SLC24A2: variants seen among roughly 807,000 people sequenced by gnomAD.
SLC24A2 encodes sodium/potassium/calcium exchanger 2.
Under a neutral mutation model 62.0 loss-of-function variants are expected in SLC24A2, and 36 were observed. The observed-to-expected ratio is 0.58, with a 90% CI of 0.44 to 0.77. The LOEUF (loss-of-function observed/expected upper bound fraction) is 0.77. SLC24A2 is among the 30% of genes least tolerant of loss of function. The pLI, the probability that SLC24A2 is intolerant of heterozygous loss-of-function variation, is 0.00. For synonymous variants in SLC24A2, 358 were observed against 294.0 expected (o/e 1.22, Z -2.23); for missense variants, 846 against 817.9 (o/e 1.03, Z -0.42).
At chr9:20,095,468 G>A in the SLC24A2 span, among the ~76,000 whole-genome samples, 1 of 152,154 alleles carries the variant, frequency 6.6e-6, no homozygotes, top group Non-Finnish European at 1.5e-5. Context: ...TTGTGGATGG[G>A]CCTCATCCTA....
At chr9:20,307,378 A>G in the SLC24A2 span, among the ~76,000 whole-genome samples, 1 of 152,210 alleles carries the variant, frequency 6.6e-6, no homozygotes, top group South Asian at 2.1e-4. Context: ...TCACTCTGTG[A>G]TTAGTATTCC....
At chr9:19,534,442 T>A (rs936171296) in intron 8 of SLC24A2, among the ~76,000 whole-genome samples, 1 of 152,136 alleles carries the variant, frequency 6.6e-6, no homozygotes, top group Non-Finnish European at 1.5e-5. Context: ...TGTGCCATGG[T>A]GGTTTGCTGC....
the SLC24A2 span, among the ~76,000 whole-genome samples, chr9:20,147,337 A>G: frequency 2.0e-5 from 3 of 152,156 alleles, no homozygotes; most frequent in Admixed American, 1.3e-4. Flanking sequence ...AAAAAAGGTA[A>G]AAATTTCACA....
the SLC24A2 span, among the ~76,000 whole-genome samples, chr9:20,114,231 A>C: frequency 6.6e-6 from 1 of 152,132 alleles, no homozygotes; most frequent in South Asian, 2.1e-4. Flanking sequence ...GAGGTCAAGG[A>C]AAGAACCACC....
the SLC24A2 span, among the ~76,000 whole-genome samples, chr9:20,093,018 T>A: frequency 2.0e-5 from 3 of 152,128 alleles, no homozygotes; most frequent in African/African-American, 7.2e-5. Flanking sequence ...CTTATGTGAA[T>A]TGTATTTATA....
rs573650244 is a variant in SLC24A2 at position 19,605,100 on chromosome 9, C to T, written c.1079-7821G>A. ...ATATCTTTCCCAAATAGTTATGCAT[C>T]TTAGATTAAATAGCAAATGCCTGCC... On this transcript the variant is annotated intron_variant, in intron 4 of 10. Transcript: ENST00000341998. Among the ~76,000 whole-genome samples, 8 of 152,272 alleles carry T rather than the reference C, an allele frequency of 5.3e-5. 1 individual carries two copies. In the South Asian group the frequency reaches 1.7e-3, roughly 32 times the overall value.
At chr9:20,069,351 T>C in the SLC24A2 span, among the ~76,000 whole-genome samples, 67,701 of 152,078 alleles carry the variant, frequency 0.45, 15,747 homozygotes, top group East Asian at 0.7. Flanking sequence ...AATTGGTCTT[T>C]CAGTAATCTT....
the SLC24A2 span, among the ~76,000 whole-genome samples, chr9:20,088,759 C>A: frequency 6.6e-6 from 1 of 152,152 alleles, no homozygotes; most frequent in Non-Finnish European, 1.5e-5. Flanking sequence ...CCTCGTTGGG[C>A]AGGACCTCTG....
chr9:20,073,765 G>A, the SLC24A2 span, among the ~76,000 whole-genome samples: 1 of 151,554 alleles, frequency 6.6e-6, no homozygotes, highest in African/African-American at 2.4e-5. Context: ...AAAATCTAAT[G>A]GAGAAAATTA....
the SLC24A2 span, among the ~76,000 whole-genome samples, chr9:20,250,265 A>T: frequency 6.6e-6 from 1 of 152,198 alleles, no homozygotes; most frequent in African/African-American, 2.4e-5. Context: ...CAGAATTAGA[A>T]CTCAGATGGC....
chr9:19,669,916 C>G (rs1295181526), intron 2 of SLC24A2, among the ~76,000 whole-genome samples: 1 of 152,222 alleles, frequency 6.6e-6, no homozygotes, highest in Non-Finnish European at 1.5e-5. Flanking sequence ...TCGGGGCCAT[C>G]ATTCTGTCTA....
Position 19,604,036 on chromosome 9 carries a change from C to T in SLC24A2, c.1079-6757G>A, listed in dbSNP as rs964530870. On this transcript the variant is annotated intron_variant, in intron 4 of 10. Coordinates refer to ENST00000341998, the MANE Select transcript of SLC24A2 (RefSeq NM_020344.4). Reference sequence around the variant, plus strand: ...CCCTTTAAGGCAAAGAGTCATTGTACGCATTTTGTTAATTTCAGCACCCAG... The same window carrying T: ...CCCTTTAAGGCAAAGAGTCATTGTATGCATTTTGTTAATTTCAGCACCCAG... 5.9e-5 allele frequency among the ~76,000 whole-genome samples: 9 copies of T among 152,166 alleles called. 1 individual carries two copies. The highest frequency in any genetic ancestry group is 2.1e-4 in the South Asian group (1 of 4,830).
chr9:20,283,613 GAA>G, the SLC24A2 span, among the ~76,000 whole-genome samples: 7 of 151,990 alleles, frequency 4.6e-5, no homozygotes, highest in Non-Finnish European at 1.0e-4. Flanking sequence ...GCATAAAGCA[GAA>G]AAAGAGACTG....
chr9:20,052,776 C>A, the SLC24A2 span, among the ~76,000 whole-genome samples: 1 of 152,274 alleles, frequency 6.6e-6, no homozygotes, highest in African/African-American at 2.4e-5. Context: ...GACTCTTATT[C>A]AGATATTTGT....
At chr9:20,158,805 A>G in the SLC24A2 span, among the ~76,000 whole-genome samples, 1 of 151,620 alleles carries the variant, frequency 6.6e-6, no homozygotes, top group Admixed American at 6.6e-5. Context: ...GCAGCTGTGC[A>G]TATTTAAACT....
At chr9:19,573,850 T>C (rs1013062551) in intron 6 of SLC24A2, among the ~76,000 whole-genome samples, 6 of 152,188 alleles carry the variant, frequency 3.9e-5, no homozygotes, top group African/African-American at 1.4e-4. Flanking sequence ...TCAGGAAACA[T>C]GAACATAGAC....
chr9:20,199,528 C>G, the SLC24A2 span, among the ~76,000 whole-genome samples: 8 of 151,920 alleles, frequency 5.3e-5, no homozygotes, highest in Admixed American at 1.3e-4. Flanking sequence ...AATTTTTAAT[C>G]CTTTTAGAGT....
the SLC24A2 span, among the ~76,000 whole-genome samples, chr9:20,051,179 G>A: frequency 1.3e-5 from 2 of 151,734 alleles, no homozygotes; most frequent in African/African-American, 4.8e-5. Context: ...TAAAAGAGTA[G>A]GAAAAGATAT....
the SLC24A2 span, among the ~76,000 whole-genome samples, chr9:20,134,149 G>T: frequency 2.6e-5 from 4 of 152,160 alleles, no homozygotes; most frequent in Non-Finnish European, 5.9e-5. Flanking sequence ...ACTCAAGAAA[G>T]CTTCCTATAG....
Sources: allele counts gnomAD v4.1 joint callset (sites outside exome capture counted in the v4.1 genomes callset), GRCh38; gene constraint gnomAD v4.1.1; transcripts MANE v1.5; gene names NCBI Gene and HGNC (gene_info 2026-07-23, HGNC 2026-07-21).